The following STOX2 variants were observed in gnomAD, a reference collection of about 807,000 sequenced individuals.
STOX2 encodes storkhead box 2.
STOX2 carries 28 observed loss-of-function variants against 60.9 expected under a neutral mutation model. The ratio of observed to expected loss-of-function variants is 0.46; its 90% CI spans 0.34 to 0.63. The LOEUF (loss-of-function observed/expected upper bound fraction) is 0.63. STOX2 is among the 30% of genes least tolerant of loss of function. STOX2 has a pLI of 0.01. For missense variants in STOX2, 1,024 were observed against 1,187.7 expected, an observed-to-expected ratio of 0.86 and a Z score of 2.03; for synonymous variants, 472 against 463.9, an observed-to-expected ratio of 1.02 and a Z score of -0.22.
chr4:183,954,750 G>T (rs1014631485), intron 1 of STOX2, among the ~76,000 whole-genome samples: 14 of 151,790 alleles, frequency 9.2e-5, no homozygotes, highest in African/African-American at 1.5e-4. Flanking sequence ...ATTTATTTAT[G>T]TATTTAGAGA....
At chr4:183,798,745 A>C (rs1437149550) in intron 1 of STOX2, 1 of 985,258 alleles carries the variant, frequency 1.0e-6, no homozygotes, top group African/African-American at 1.7e-5. Context: ...AAACGTAAAG[A>C]GGGGCAGAGT....
intron 1 of STOX2, among the ~76,000 whole-genome samples, chr4:183,993,483 G>A (rs1450079149): frequency 6.6e-6 from 1 of 152,174 alleles, no homozygotes; most frequent in Non-Finnish European, 1.5e-5. Context: ...CAGTATTTCA[G>A]TATGATTAAT....
chr4:183,809,740 A>G (rs1401559429), intron 1 of STOX2, among the ~76,000 whole-genome samples: 1 of 152,216 alleles, frequency 6.6e-6, no homozygotes, highest in Non-Finnish European at 1.5e-5. Context: ...TTGGAGAAAT[A>G]CAGAGATTTG....
chr4:183,954,060 C>A (rs779395045), intron 1 of STOX2, among the ~76,000 whole-genome samples: 1 of 152,224 alleles, frequency 6.6e-6, no homozygotes, highest in Admixed American at 6.5e-5. Context: ...ACACCCCTTC[C>A]GTCGTCATTC....
chr4:183,844,296 GA>G lies in STOX2; in HGVS notation c.364+46249del, dbSNP rs201834598. Among the ~76,000 whole-genome samples, 718 of 152,004 alleles carry G rather than the reference GA, an allele frequency of 4.7e-3. 5 individuals carry two copies. Among genetic ancestry groups the G allele is most frequent in the African/African-American group, 0.016 (660 of 41,482 alleles). ...CAGGAAAGCAACAATTGTTTTCCTA[GA>G]AAAAAAACCTGAGAACTCATTTCTC... is the stretch of plus-strand genomic sequence containing the variant. On this transcript the variant is annotated intron_variant, in intron 1 of 2. Coordinates refer to the STOX2 transcript ENST00000513034.
rs115230264 is a variant in STOX2, at chr4:183,837,457, G to A, written c.364+39402G>A. 8.6e-3 allele frequency among the ~76,000 whole-genome samples: 1,301 copies of A among 150,992 alleles called. 13 individuals are homozygous for A. The highest frequency in any genetic ancestry group is 0.03 in the African/African-American group (1,240 of 41,084). On this transcript the variant is annotated intron_variant, in intron 1 of 2. Transcript: ENST00000513034. ...ACTCAGCATGCTATTTTCAGAGTCC[G>A]TGCTTTTTTTTTTTTCTTTGAGATA...
chr4:183,874,955 ATATATATATATATATATATATATATATAT>A (rs1740791518), intron 1 of STOX2, among the ~76,000 whole-genome samples: 1 of 30,170 alleles, frequency 3.3e-5, no homozygotes, highest in African/African-American at 1.3e-4. Flanking sequence ...AAAAAAAAAT[ATATATATATATATATATATATATATATAT>A]ATATATATAA....
At position 184,017,209 on chromosome 4, in the gene STOX2, G is replaced by A. The variant is rs201195283; in HGVS notation, c.2706G>A (p.Ala902=). The part of the protein sequence containing the change: ...AGPAFNFRAS[A]EPPTNEAEKL... ...CAGCCTTCAACTTCCGAGCGAGCGC[G>A]GAGCCCCCGACAAATGAAGCTGAGA... The change falls in exon 4 of 4, where the codon GCG becomes GCA. Residue 902 remains alanine (A), a synonymous_variant. Coordinates refer to ENST00000308497, the MANE Select transcript of STOX2 (RefSeq NM_020225.3). 1.2e-5 allele frequency: 19 copies of A among 1,611,486 alleles called. No individual in the cohort carries two copies. Among genetic ancestry groups the A allele is most frequent in the Admixed American group, 6.7e-5 (4 of 59,724 alleles).
chr4:183,817,865 T>G (rs1215530805), intron 1 of STOX2, among the ~76,000 whole-genome samples: 1 of 152,200 alleles, frequency 6.6e-6, no homozygotes, highest in East Asian at 1.9e-4. Flanking sequence ...TATCTTACAT[T>G]AAAACAAGCA....
At position 183,883,085 on chromosome 4, in the gene STOX2, G is replaced by A. The variant is rs565518765; in HGVS notation, c.364+85030G>A. Among the ~76,000 whole-genome samples the A allele has an allele frequency of 5.3e-5, 8 of 151,374 alleles. No homozygotes were observed. In the East Asian group the frequency reaches 7.8e-4, roughly 15 times the overall value. On this transcript the variant is annotated intron_variant, in intron 1 of 2. Coordinates refer to the STOX2 transcript ENST00000513034. ...GAATAGAAAAACAAACCCAATATCC[G>A]GCTTCAGCAATGTCATCATGTTTCA...
chr4:183,842,657 G>A (rs1739889293), intron 1 of STOX2, among the ~76,000 whole-genome samples: 1 of 152,148 alleles, frequency 6.6e-6, no homozygotes, highest in African/African-American at 2.4e-5. Context: ...CACCATGTTG[G>A]CTGCCTATGT....
chr4:183,990,026 C>T (rs1733031480), intron 1 of STOX2, among the ~76,000 whole-genome samples: 1 of 152,216 alleles, frequency 6.6e-6, no homozygotes, highest in Non-Finnish European at 1.5e-5. Flanking sequence ...TCATAGCTCA[C>T]CCTGTCACAG....
intron 1 of STOX2, among the ~76,000 whole-genome samples, chr4:183,882,583 G>A (rs1313417711): frequency 6.6e-6 from 1 of 152,170 alleles, no homozygotes; most frequent in East Asian, 1.9e-4. Context: ...CCAACATTTA[G>A]ATTGAATGCT....
At chr4:183,989,583 TA>T (rs1209834905) in intron 1 of STOX2, among the ~76,000 whole-genome samples, 2 of 152,324 alleles carry the variant, frequency 1.3e-5, no homozygotes, top group African/African-American at 4.8e-5. Context: ...TGCAATGCAC[TA>T]AAATCCAAGA....
At chr4:183,937,364 C>T (rs1377456276) in intron 1 of STOX2, among the ~76,000 whole-genome samples, 1 of 152,158 alleles carries the variant, frequency 6.6e-6, no homozygotes, top group East Asian at 1.9e-4. Context: ...CTTCATCCAT[C>T]CTGAAGGAGA....
chr4:183,804,570 A>G (rs922645695), intron 1 of STOX2, among the ~76,000 whole-genome samples: 11 of 152,188 alleles, frequency 7.2e-5, no homozygotes, highest in Admixed American at 4.6e-4. Context: ...AGAAATGTGC[A>G]CTGGGTTGGG....
At chr4:183,953,192 A>G (rs185214218) in intron 1 of STOX2, among the ~76,000 whole-genome samples, 2 of 151,810 alleles carry the variant, frequency 1.3e-5, no homozygotes, top group Middle Eastern at 3.4e-3. Context: ...TATAATTTTA[A>G]AAAAAAAAGT....
At chr4:183,842,743 AATGGTTCCTTTTC>A (rs1447390069) in intron 1 of STOX2, among the ~76,000 whole-genome samples, 3 of 152,144 alleles carry the variant, frequency 2.0e-5, no homozygotes, top group Non-Finnish European at 4.4e-5. Flanking sequence ...TTAGGTTCAT[AATGGTTCCTTTTC>A]ATATATGGCC....
At chr4:183,863,133 G>A (rs1456605929) in intron 1 of STOX2, among the ~76,000 whole-genome samples, 1 of 152,182 alleles carries the variant, frequency 6.6e-6, no homozygotes, top group Non-Finnish European at 1.5e-5. Context: ...TGGCGTACAG[G>A]ACTCATGAAA....
Sources: allele counts gnomAD v4.1 joint callset (sites outside exome capture counted in the v4.1 genomes callset), GRCh38; gene constraint gnomAD v4.1.1; transcripts MANE v1.5; gene names NCBI Gene and HGNC (gene_info 2026-07-23, HGNC 2026-07-21).